Variants in AGO3 observed in about 807,000 individuals in gnomAD.
AGO3 encodes protein argonaute-3.
AGO3 carries 16 observed loss-of-function variants against 105.5 expected under a neutral mutation model. That is an observed-to-expected ratio of 0.15 (90% CI 0.10 to 0.23). AGO3 has a LOEUF of 0.23. Ranked by LOEUF, AGO3 falls within the 10% of genes least tolerant of loss-of-function variation. The pLI, the probability that AGO3 is intolerant of heterozygous loss-of-function variation, is 1.00. For synonymous variants in AGO3, 340 were observed against 367.3 expected, an observed-to-expected ratio of 0.93 and a Z score of 0.85; for missense variants, 534 against 1,088.0, an observed-to-expected ratio of 0.49 and a Z score of 7.16.
intron 17 of AGO3, among the ~76,000 whole-genome samples, chr1:36,046,954 G>A (rs961648716): frequency 1.1e-4 from 17 of 151,862 alleles, no homozygotes; most frequent in African/African-American, 4.1e-4. Flanking sequence ...CAACAAAATC[G>A]GGAAAGCAGG....
chr1:35,970,396 ATCTT>A (rs2148772997), intron 3 of AGO3, among the ~76,000 whole-genome samples: 1 of 152,192 alleles, frequency 6.6e-6, no homozygotes, highest in East Asian at 1.9e-4. Context: ...TCATATTTGT[ATCTT>A]TCTTCTTTAG....
rs1254188746 is a variant in AGO3 at position 36,058,457 on chromosome 1, G to A, written c.*2712G>A. On this transcript the variant is annotated 3_prime_UTR_variant, in exon 19 of 19. Coordinates refer to ENST00000373191, the MANE Select transcript of AGO3 (RefSeq NM_024852.4). The stretch of plus-strand genomic sequence containing the variant: ...TTTTGATTTTTTTTTTTTTTGCACT[G>A]GTTCAGAGTATAGATACTACAGATT... 4 of 147,458 alleles carry A rather than the reference G, an allele frequency of 2.7e-5. No homozygotes were observed. Among genetic ancestry groups the A allele is most frequent in the African/African-American group, 1.0e-4 (4 of 39,786 alleles). 9.1% of individuals were successfully genotyped at this position (147,458 alleles called of 1,614,324 possible).
intron 1 of AGO3, among the ~76,000 whole-genome samples, chr1:35,940,040 T>C (rs939391274): frequency 2.6e-5 from 4 of 152,184 alleles, no homozygotes; most frequent in Non-Finnish European, 4.4e-5. Flanking sequence ...GTCTCACATA[T>C]TATTTTTTAA....
intron 5 of AGO3, among the ~76,000 whole-genome samples, chr1:35,999,746 A>G (rs1248693310): frequency 6.6e-6 from 1 of 152,160 alleles, no homozygotes; most frequent in Non-Finnish European, 1.5e-5. Flanking sequence ...TTAATTCTGT[A>G]ATTTGTCCAT....
intron 5 of AGO3, among the ~76,000 whole-genome samples, chr1:35,988,364 G>GC (rs1647311359): frequency 6.6e-6 from 1 of 152,104 alleles, no homozygotes; most frequent in Admixed American, 6.5e-5. Context: ...TAGTCACCAT[G>GC]CAGTACATTA....
intron 9 of AGO3, among the ~76,000 whole-genome samples, chr1:36,012,334 AAAG>A (rs1267538562): frequency 6.6e-6 from 1 of 151,844 alleles, no homozygotes; most frequent in Non-Finnish European, 1.5e-5. Context: ...AAAAAAAAAA[AAAG>A]AAAAGAAAAG....
intron 2 of AGO3, among the ~76,000 whole-genome samples, chr1:35,951,428 C>A (rs932012150): frequency 6.6e-6 from 1 of 151,534 alleles, no homozygotes; most frequent in African/African-American, 2.4e-5. Context: ...AACAGGATCT[C>A]GCTCTGTCAC....
At chr1:35,987,150 A>G (rs948416921) in intron 5 of AGO3, among the ~76,000 whole-genome samples, 3 of 151,820 alleles carry the variant, frequency 2.0e-5, no homozygotes, top group Non-Finnish European at 4.4e-5. Flanking sequence ...CATCATGGTG[A>G]AACCCCATCT....
chr1:36,025,897 G>A (rs1641478228), intron 11 of AGO3, among the ~76,000 whole-genome samples: 1 of 152,048 alleles, frequency 6.6e-6, no homozygotes, highest in Admixed American at 6.6e-5. Context: ...AATTAGCCAG[G>A]CGCGGTGGCA....
chr1:35,982,674 T>C (rs1375895520), intron 5 of AGO3: 2 of 717,114 alleles, frequency 2.8e-6, no homozygotes, highest in Non-Finnish European at 5.2e-6. Context: ...AAAACTAATC[T>C]GAGAAGCCAG....
rs886845031 is a variant in AGO3 at position 35,975,921 on chromosome 1, CT to C, written c.658+2421del. Among the ~76,000 whole-genome samples the C allele has an allele frequency of 3.0e-3, 442 of 145,378 alleles. 2 individuals are homozygous for C. The highest frequency in any genetic ancestry group is 3.6e-3 in the African/African-American group (145 of 39,764). ...AGCTTCACATAAATTTTGCACATTTCTTTTTTTTTTTCTTTCTTTCTTTTCT... is the reference window on the plus strand; with the variant it reads ...AGCTTCACATAAATTTTGCACATTTCTTTTTTTTTTCTTTCTTTCTTTTCT... On this transcript the variant is annotated intron_variant, in intron 5 of 18. Transcript: ENST00000373191.
At chr1:35,953,931 T>G (rs1428691616) in intron 2 of AGO3, among the ~76,000 whole-genome samples, 1 of 152,216 alleles carries the variant, frequency 6.6e-6, no homozygotes, top group Non-Finnish European at 1.5e-5. Context: ...TGTTTATACA[T>G]GTTGCATCTT....
Position 36,027,226 on chromosome 1 carries a change from C to G in AGO3, c.1519C>G (p.Arg507Gly), listed in dbSNP as rs752839229. 1.9e-6 allele frequency: 3 copies of G among 1,614,184 alleles called. No individual in the cohort carries two copies. The highest frequency in any genetic ancestry group is 2.5e-6 in the Non-Finnish European group (3 of 1,180,022). ...QGADSVEPMF[R>G]HLKNTYSGLQ... ...GGCAGACAGCGTAGAGCCCATGTTC[C>G]GGCATCTCAAGAACACATATTCTGG... The change falls in exon 12 of 19, where the codon CGG becomes GGG. Residue 507 changes from arginine to glycine, a missense_variant. Transcript: ENST00000373191. The surrounding 1 kb of genome is among the most constrained non-coding windows in gnomAD (Gnocchi z 4.0).
chr1:35,994,884 ATTGTTAAGAAT>A (rs1374039064), intron 5 of AGO3, among the ~76,000 whole-genome samples: 1 of 152,152 alleles, frequency 6.6e-6, no homozygotes, highest in East Asian at 1.9e-4. Flanking sequence ...GAAGTCTCAA[ATTGTTAAGAAT>A]TTCATTCTCC....
At chr1:36,015,140 G>T (rs1208501810) in intron 11 of AGO3, among the ~76,000 whole-genome samples, 1 of 152,122 alleles carries the variant, frequency 6.6e-6, no homozygotes, top group Non-Finnish European at 1.5e-5. Flanking sequence ...CCAGGCCTCT[G>T]GTCATGGGTT....
rs1640248859 is a variant in AGO3 at position 36,004,494 on chromosome 1, A to G, written c.793+19A>G. On this transcript the variant is annotated intron_variant, in intron 6 of 18. Transcript: ENST00000373191. The stretch of plus-strand genomic sequence containing the variant: ...ATAAAAGGTGAATTAATTAGCATTT[A>G]GCACAACTTAACTATAAAATGCATG... 6.4e-7 allele frequency: 1 copy of G among 1,569,462 alleles called. No homozygotes were observed. The highest frequency in any genetic ancestry group is 1.3e-5 in the African/African-American group (1 of 74,162).
At chr1:36,002,194 A>G (rs1464582243) in intron 5 of AGO3, among the ~76,000 whole-genome samples, 1 of 148,174 alleles carries the variant, frequency 6.7e-6, no homozygotes, top group African/African-American at 2.5e-5. Flanking sequence ...TAATTTTTGT[A>G]TTTTTTAGTA....
chr1:36,016,587 A>G lies in AGO3; in HGVS notation c.1406+2539A>G, dbSNP rs113595294. Among the ~76,000 whole-genome samples, 1,448 of 152,004 alleles carry G rather than the reference A, an allele frequency of 9.5e-3. 24 individuals carry two copies. Among genetic ancestry groups the G allele is most frequent in the African/African-American group, 0.033 (1,351 of 41,412 alleles). The stretch of plus-strand genomic sequence containing the variant: ...ATTTAACAGTTATCCCCTTTGATCT[A>G]TCCCCCCAATTTTTTTTTTTAATGG... On this transcript the variant is annotated intron_variant, in intron 11 of 18. Coordinates refer to ENST00000373191, the MANE Select transcript of AGO3 (RefSeq NM_024852.4).
chr1:36,038,889 G>A (rs1642128281), intron 14 of AGO3, among the ~76,000 whole-genome samples: 1 of 152,186 alleles, frequency 6.6e-6, no homozygotes, highest in Admixed American at 6.6e-5. Context: ...AATTTATGAA[G>A]CGTAACAGTT....
Sources: allele counts gnomAD v4.1 joint callset (sites outside exome capture counted in the v4.1 genomes callset), GRCh38; gene constraint gnomAD v4.1.1; non-coding constraint Gnocchi (gnomAD v3.1); transcripts MANE v1.5; gene names NCBI Gene and HGNC (gene_info 2026-07-23, HGNC 2026-07-21).